Variants in GCNT1 observed in about 807,000 individuals in gnomAD.
GCNT1 encodes beta-1,3-galactosyl-O-glycosyl-glycoprotein beta-1,6-N-acetylglucosaminyltransferase.
In GCNT1, 16 loss-of-function variants were observed where a neutral mutation model predicts 26.2. The observed-to-expected ratio is 0.61, with a 90% CI of 0.41 to 0.93. The LOEUF (loss-of-function observed/expected upper bound fraction) is 0.93, where lower values mean the gene tolerates loss of function less well. Ranked by LOEUF, GCNT1 falls within the 40% of genes least tolerant of loss-of-function variation. The pLI is 0.00. For synonymous variants in GCNT1, 183 were observed against 190.8 expected (o/e 0.96, Z 0.34); for missense variants, 477 against 526.7 (o/e 0.91, Z 0.92).
intron 1 of GCNT1, among the ~76,000 whole-genome samples, chr9:76,435,497 G>A (rs1166163491): frequency 3.3e-5 from 5 of 152,170 alleles, no homozygotes; most frequent in Non-Finnish European, 7.3e-5. Context: ...TTTCTTCACA[G>A]TTCTGGAGGC....
the GCNT1 span, among the ~76,000 whole-genome samples, chr9:76,413,012 C>T: frequency 6.6e-6 from 1 of 152,220 alleles, no homozygotes; most frequent in African/African-American, 2.4e-5. Context: ...CTCTCTTGCT[C>T]CTTGCCTGCT....
At chr9:76,469,413 A>G (rs1824078344) in intron 2 of GCNT1, among the ~76,000 whole-genome samples, 1 of 152,174 alleles carries the variant, frequency 6.6e-6, no homozygotes, top group East Asian at 1.9e-4. Flanking sequence ...GAAATAGCCA[A>G]TCATCTATTG....
rs746703921 is a variant in GCNT1 at position 76,427,886 on chromosome 9, G to A, written n.38+7999G>A. Among the ~76,000 whole-genome samples the A allele has an allele frequency of 3.9e-5, 6 of 152,266 alleles. No individual in the cohort carries two copies. The South Asian group carries it at 6.2e-4, about 16-fold the overall frequency. On this transcript the variant is annotated intron_variant and non_coding_transcript_variant, in intron 1 of 3. Coordinates refer to the GCNT1 transcript ENST00000488136. Reference sequence around the variant, plus strand: ...AGTCCCAGATAGTTGGGAGGCTGTGGCATGAGAATTGCTTGAACCCGGGAG... The same window carrying A: ...AGTCCCAGATAGTTGGGAGGCTGTGACATGAGAATTGCTTGAACCCGGGAG...
intron 2 of GCNT1, among the ~76,000 whole-genome samples, chr9:76,463,683 C>T (rs1823928369): frequency 6.6e-6 from 1 of 152,184 alleles, no homozygotes; most frequent in Non-Finnish European, 1.5e-5. Context: ...AGATGCCCGG[C>T]ATTGCTCGCT....
intron 2 of GCNT1, among the ~76,000 whole-genome samples, chr9:76,496,153 C>T (rs1195027803): frequency 6.6e-6 from 1 of 152,218 alleles, no homozygotes; most frequent in Non-Finnish European, 1.5e-5. Context: ...ATGGGAACTG[C>T]TTTCCATTAG....
At chr9:76,469,628 C>T (rs2131603034) in intron 2 of GCNT1, among the ~76,000 whole-genome samples, 1 of 152,326 alleles carries the variant, frequency 6.6e-6, no homozygotes, top group African/African-American at 2.4e-5. Context: ...TTCTTTGCCG[C>T]TGTTGCAGAC....
the GCNT1 span, chr9:76,399,300 T>C: frequency 5.6e-6 from 8 of 1,427,494 alleles, no homozygotes; most frequent in Non-Finnish European, 5.9e-6. Context: ...ATGCCTGATC[T>C]CTACTTCTAC....
chr9:76,475,665 T>G (rs1438297448), intron 2 of GCNT1, among the ~76,000 whole-genome samples: 1 of 151,560 alleles, frequency 6.6e-6, no homozygotes, highest in Non-Finnish European at 1.5e-5. Context: ...GGAGACAGAG[T>G]GATGTGGGAT....
chr9:76,487,445 G>T (rs1246250805), intron 2 of GCNT1, among the ~76,000 whole-genome samples: 1 of 152,234 alleles, frequency 6.6e-6, no homozygotes, highest in Non-Finnish European at 1.5e-5. Flanking sequence ...CATGCTTCCT[G>T]CTGCCGAAGG....
At chr9:76,445,546 C>G (rs1489472369) in intron 1 of GCNT1, among the ~76,000 whole-genome samples, 1 of 151,994 alleles carries the variant, frequency 6.6e-6, no homozygotes, top group Admixed American at 6.6e-5. Context: ...TACCACCAAG[C>G]CCAGCTAATT....
the GCNT1 span, chr9:76,394,045 C>G: frequency 1.3e-6 from 2 of 1,542,416 alleles, no homozygotes; most frequent in Non-Finnish European, 1.8e-6. Context: ...TCTCCCCGCT[C>G]CCCACGTGAC....
At chr9:76,477,879 T>C (rs112731904) in intron 2 of GCNT1, among the ~76,000 whole-genome samples, 79 of 152,282 alleles carry the variant, frequency 5.2e-4, no homozygotes, top group African/African-American at 1.6e-3. Context: ...GGAATCCTAG[T>C]GAGAGGTGAA....
At chr9:76,463,670 G>A (rs934362424) in intron 2 of GCNT1, among the ~76,000 whole-genome samples, 1 of 152,214 alleles carries the variant, frequency 6.6e-6, no homozygotes, top group African/African-American at 2.4e-5. Context: ...CTGAGCATCT[G>A]TTAGATGCCC....
the GCNT1 span, among the ~76,000 whole-genome samples, chr9:76,410,167 C>T: frequency 2.0e-5 from 3 of 152,090 alleles, no homozygotes; most frequent in African/African-American, 7.2e-5. Flanking sequence ...CACGGTGGCT[C>T]ATGCCTGTAA....
At chr9:76,475,397 T>G (rs1004163225) in intron 2 of GCNT1, among the ~76,000 whole-genome samples, 1 of 152,132 alleles carries the variant, frequency 6.6e-6, no homozygotes, top group Non-Finnish European at 1.5e-5. Context: ...GCAGGAAGAT[T>G]TGGGGGATTC....
the GCNT1 span, among the ~76,000 whole-genome samples, chr9:76,413,634 GTTTTTTTTGTTTTGTTTTGTTTTTT>G: frequency 1.5e-5 from 2 of 130,630 alleles, no homozygotes; most frequent in Admixed American, 1.6e-4. Flanking sequence ...TATGCCTAGG[GTTTTTTTTGTTTTGTTTTGTTTTTT>G]TTTTTTTTGT....
intron 2 of GCNT1, among the ~76,000 whole-genome samples, chr9:76,494,235 C>T (rs973315498): frequency 2.0e-5 from 3 of 152,154 alleles, no homozygotes; most frequent in Admixed American, 6.5e-5. Context: ...AAAACCTGCA[C>T]CCTTGCGTAT....
At position 76,504,517 on chromosome 9, in the gene GCNT1, T is replaced by C. The variant is rs961929214; in HGVS notation, c.*849T>C. On this transcript the variant is annotated 3_prime_UTR_variant, in exon 4 of 4. Coordinates refer to ENST00000376730, the MANE Select transcript of GCNT1 (RefSeq NM_001490.5). Reference sequence around the variant, plus strand: ...ACTTTCACTGGACCCTAAATTATTGTCTCTGCTATCTGACTGCCAGTAATT... The same window carrying C: ...ACTTTCACTGGACCCTAAATTATTGCCTCTGCTATCTGACTGCCAGTAATT... 3.5e-5 allele frequency: 13 copies of C among 371,402 alleles called. No homozygotes were observed. Among genetic ancestry groups the C allele is most frequent in the Non-Finnish European group, 6.0e-5 (12 of 200,156 alleles). 23.0% of individuals were successfully genotyped at this position (371,402 alleles called of 1,614,324 possible). A position where few individuals can be genotyped will look rare whatever the true frequency, so the allele number is the denominator to read the frequency against.
chr9:76,480,252 C>A (rs1187513556), intron 2 of GCNT1, among the ~76,000 whole-genome samples: 2 of 152,070 alleles, frequency 1.3e-5, no homozygotes, highest in African/African-American at 4.8e-5. Context: ...GTTTTGGTTA[C>A]TGTAGCCTTG....
Sources: gnomAD v4.1 joint callset for allele counts (sites outside exome capture counted in the v4.1 genomes callset) on GRCh38, gnomAD v4.1.1 for gene constraint, MANE v1.5 for transcripts, NCBI Gene and HGNC (gene_info 2026-07-23, HGNC 2026-07-21) for gene names.